The following BAG4 variants were observed in gnomAD, a reference collection of about 807,000 sequenced individuals.
BAG4 encodes the protein BAG cochaperone 4, also known as BAG family molecular chaperone regulator 4.
Under a neutral mutation model 52.1 loss-of-function variants are expected in BAG4, and 28 were observed. The ratio of observed to expected loss-of-function variants is 0.54; its 90% CI spans 0.40 to 0.74. BAG4 has a LOEUF of 0.74. Among genes scored for constraint, BAG4 ranks in the 30% least tolerant of loss-of-function variants. BAG4 has a pLI of 0.00. For synonymous variants in BAG4, 208 were observed against 217.0 expected (o/e 0.96, Z 0.37); for missense variants, 525 against 572.0 (o/e 0.92, Z 0.84).
chr8:38,180,483 A>G (rs1803244053), intron 1 of BAG4, among the ~76,000 whole-genome samples: 1 of 135,446 alleles, frequency 7.4e-6, no homozygotes, highest in African/African-American at 2.8e-5. Context: ...AGATCATGCC[A>G]CTGCACCCCA....
intron 2 of BAG4, among the ~76,000 whole-genome samples, chr8:38,198,734 T>C (rs780772995): frequency 3.9e-5 from 6 of 151,978 alleles, no homozygotes; most frequent in Non-Finnish European, 8.8e-5. Context: ...TGATCTGCCC[T>C]CCTTGGCCTC....
intron 2 of BAG4, among the ~76,000 whole-genome samples, chr8:38,204,660 C>A (rs571051548): frequency 1.1e-3 from 163 of 148,668 alleles, no homozygotes; most frequent in Non-Finnish European, 2.0e-3. Context: ...AAAAAAAAAA[C>A]AAAAACAACG....
chr8:38,198,169 G>A (rs1484542642), intron 2 of BAG4, among the ~76,000 whole-genome samples: 1 of 151,680 alleles, frequency 6.6e-6, no homozygotes, highest in Non-Finnish European at 1.5e-5. Flanking sequence ...CAGATCACGA[G>A]GTCAGGAAAT....
Position 38,203,197 on chromosome 8 carries a change from T to C in BAG4, c.379-4315T>C, listed in dbSNP as rs1803710231. Among the ~76,000 whole-genome samples, 5 of 152,240 alleles carry C rather than the reference T, an allele frequency of 3.3e-5. No homozygotes were observed. The South Asian group carries it at 1.0e-3, about 32-fold the overall frequency. ...AAACATCATTGGTCACAGGGGCCTG[T>C]TGTAGGAGCTGATGTTACTGGAAAC... On this transcript the variant is annotated intron_variant, in intron 2 of 4. Transcript: ENST00000287322.
In BAG4 at chr8:38,210,664, A is replaced by G; in HGVS notation, c.*171A>G. 1 of 905,728 alleles carries G rather than the reference A, an allele frequency of 1.1e-6. No homozygotes were observed. The highest frequency in any genetic ancestry group is 2.3e-5 in the South Asian group (1 of 42,838). 56.1% of individuals were successfully genotyped at this position (905,728 alleles called of 1,614,324 possible). ...AAAGGAATGGAAGAATATTTTAGTC[A>G]TGAGTTGTTTTCAGTTTTCAGACGA... On this transcript the variant is annotated 3_prime_UTR_variant, in exon 5 of 5. Transcript: ENST00000287322.
rs137959463 is a variant in BAG4 at position 38,198,914 on chromosome 8, G to C, written c.378+6119G>C. ...CTCCTCATCTTGGGGCAATAAGACA[G>C]GTGGGAACTGTCATCTCCTATGATA... On this transcript the variant is annotated intron_variant, in intron 2 of 4. Coordinates refer to ENST00000287322, the MANE Select transcript of BAG4 (RefSeq NM_004874.4). Among the ~76,000 whole-genome samples, 319 of 152,262 alleles carry C rather than the reference G, an allele frequency of 2.1e-3. 2 individuals carry two copies. The highest frequency in any genetic ancestry group is 7.2e-3 in the African/African-American group (301 of 41,552).
intron 2 of BAG4, among the ~76,000 whole-genome samples, chr8:38,206,623 C>T (rs1803772285): frequency 6.6e-6 from 1 of 152,036 alleles, no homozygotes; most frequent in African/African-American, 2.4e-5. Context: ...TATGCTAAAC[C>T]TTTTATATAT....
In BAG4 at chr8:38,176,908, C is replaced by T. The variant is rs764875237; in HGVS notation, c.39C>T (p.Asp13=). The change falls in exon 1 of 5, where the codon GAC becomes GAT. Residue 13 remains aspartate (D), a synonymous_variant. Coordinates refer to ENST00000287322, the MANE Select transcript of BAG4 (RefSeq NM_004874.4). ...ALRRSGYGPS[D]GPSYGRYYGP... ...GGCGCTCGGGCTACGGCCCCAGTGACGGTCCGTCCTACGGCCGCTACTACG... is the reference window on the plus strand; with the variant it reads ...GGCGCTCGGGCTACGGCCCCAGTGATGGTCCGTCCTACGGCCGCTACTACG... The T allele has an allele frequency of 2.6e-5, 40 of 1,547,862 alleles. No individual in the cohort carries two copies. In the African/African-American group the frequency reaches 2.7e-4, roughly 11 times the overall value.
chr8:38,181,404 T>C (rs1803269083), intron 1 of BAG4, among the ~76,000 whole-genome samples: 1 of 152,056 alleles, frequency 6.6e-6, no homozygotes, highest in African/African-American at 2.4e-5. Flanking sequence ...CGACTACTTT[T>C]GTATTTTTGG....
intron 2 of BAG4, among the ~76,000 whole-genome samples, chr8:38,204,988 C>G (rs1803744998): frequency 6.6e-6 from 1 of 151,804 alleles, no homozygotes; most frequent in African/African-American, 2.4e-5. Context: ...ATAATTATTT[C>G]ATATCATTAA....
intron 1 of BAG4, among the ~76,000 whole-genome samples, chr8:38,180,656 A>G (rs1803248680): frequency 6.6e-6 from 1 of 152,082 alleles, no homozygotes; most frequent in Non-Finnish European, 1.5e-5. Flanking sequence ...TTAAAAAAAC[A>G]AACAGTATAG....
Position 38,212,456 on chromosome 8 carries a change from A to T in BAG4, c.*1963A>T, listed in dbSNP as rs184563970. On this transcript the variant is annotated 3_prime_UTR_variant, in exon 5 of 5. Coordinates refer to ENST00000287322, the MANE Select transcript of BAG4 (RefSeq NM_004874.4). ...TATACTCTGCACCCACCTTGCCCTTATGTTAACATCTTACGTAACAATAGA... is the reference window on the plus strand; with the variant it reads ...TATACTCTGCACCCACCTTGCCCTTTTGTTAACATCTTACGTAACAATAGA... The T allele has an allele frequency of 6.6e-6, 1 of 152,196 alleles. No homozygotes were observed. The highest frequency in any genetic ancestry group is 1.5e-5 in the Non-Finnish European group (1 of 68,030). The allele number at this position is 152,196 out of a possible 1,614,324, so 9.4% of individuals were successfully genotyped here. A position where few individuals can be genotyped will look rare whatever the true frequency, so the allele number is the denominator to read the frequency against.
intron 1 of BAG4, among the ~76,000 whole-genome samples, chr8:38,181,762 G>C (rs1035001511): frequency 1.3e-5 from 2 of 151,512 alleles, no homozygotes; most frequent in Middle Eastern, 3.4e-3. Context: ...AAAATTAGCC[G>C]GGCGTGGTGG....
chr8:38,184,466 CAAATAAAATAAAATA>C (rs36228003), intron 1 of BAG4, among the ~76,000 whole-genome samples: 7 of 146,598 alleles, frequency 4.8e-5, no homozygotes, highest in Admixed American at 2.7e-4. Flanking sequence ...GACCCTGTCT[CAAATAAAATAAAATA>C]AAATAAAATA....
intron 2 of BAG4, among the ~76,000 whole-genome samples, chr8:38,194,409 C>CTTT (rs750931003): frequency 1.2e-3 from 92 of 78,604 alleles, no homozygotes; most frequent in African/African-American, 1.3e-3. Context: ...TAGGTGTGTA[C>CTTT]TTTTTTTTTT....
chr8:38,200,181 ATTG>A (rs981797579), intron 2 of BAG4, among the ~76,000 whole-genome samples: 2 of 150,956 alleles, frequency 1.3e-5, no homozygotes, highest in African/African-American at 4.9e-5. Flanking sequence ...TTTTTTTTGT[ATTG>A]TTAGTAGAGA....
rs537872269 is a variant in BAG4, at chr8:38,184,817, G to A, written c.270+7678G>A. ...TAGAATGCTGTGCTTGCGGCCGGGC[G>A]CAGTGGCTCACGCCTATAATCCCAG... On this transcript the variant is annotated intron_variant, in intron 1 of 4. Coordinates refer to ENST00000287322, the MANE Select transcript of BAG4 (RefSeq NM_004874.4). 3.3e-5 allele frequency among the ~76,000 whole-genome samples: 5 copies of A among 152,294 alleles called. No individual in the cohort carries two copies. The East Asian group carries it at 7.7e-4, about 23-fold the overall frequency.
chr8:38,206,754 C>T (rs1056497374), intron 2 of BAG4, among the ~76,000 whole-genome samples: 2 of 151,926 alleles, frequency 1.3e-5, no homozygotes, highest in Middle Eastern at 3.2e-3. Flanking sequence ...CTAGGTCTGT[C>T]TCTATAGTCT....
At chr8:38,209,365 T>C in intron 4 of BAG4, 98 bp downstream of exon 4, 1 of 1,509,438 alleles carries the variant, frequency 6.6e-7, no homozygotes, top group Non-Finnish European at 8.9e-7. Flanking sequence ...AAATGGGGAC[T>C]AATTACAAAA....
Sources: allele counts gnomAD v4.1 joint callset (sites outside exome capture counted in the v4.1 genomes callset), GRCh38; gene constraint gnomAD v4.1.1; transcripts MANE v1.5; gene names NCBI Gene and HGNC (gene_info 2026-07-23, HGNC 2026-07-21).